The following PAXIP1 variants were observed in gnomAD, a reference collection of about 807,000 sequenced individuals.
The protein encoded by PAXIP1 is PAX-interacting protein 1.
Under a neutral mutation model 140.6 loss-of-function variants are expected in PAXIP1, and 19 were observed. The ratio of observed to expected loss-of-function variants is 0.14; its 90% CI spans 0.09 to 0.20. The LOEUF (loss-of-function observed/expected upper bound fraction) is 0.20, where lower values mean the gene tolerates loss of function less well. Among genes scored for constraint, PAXIP1 ranks in the 10% least tolerant of loss-of-function variants. The probability of loss-of-function intolerance (pLI) is 1.00; values close to 1 mark genes in which losing one functional copy is unlikely to be tolerated. For synonymous variants in PAXIP1, 442 were observed against 444.6 expected, an observed-to-expected ratio of 0.99 and a Z score of 0.07; for missense variants, 920 against 1,208.6, an observed-to-expected ratio of 0.76 and a Z score of 3.54.
chr7:154,986,117 C>T lies in PAXIP1; in HGVS notation c.325-2785G>A. On this transcript the variant is annotated intron_variant, in intron 4 of 20. Coordinates refer to ENST00000404141, the MANE Select transcript of PAXIP1 (RefSeq NM_007349.4). This position sits in a 1 kb window ranked among gnomAD's most constrained non-coding sequence, Gnocchi z 4.8. ...AACTTCTGCTGGACAAGCTCCCTTC[C>T]CTACCTCTCCCTGGGAGAGCTCTGG... is the stretch of plus-strand genomic sequence containing the variant. 7.3e-7 allele frequency: 1 copy of T among 1,363,468 alleles called. No individual in the cohort carries two copies. Among genetic ancestry groups the T allele is most frequent in the Non-Finnish European group, 9.8e-7 (1 of 1,020,720 alleles). The allele number at this position is 1,363,468 out of a possible 1,614,324, so 84.5% of individuals were successfully genotyped here. A position where few individuals can be genotyped will look rare whatever the true frequency, so the allele number is the denominator to read the frequency against.
At chr7:154,997,541 T>C (rs1389311458) in intron 2 of PAXIP1, among the ~76,000 whole-genome samples, 1 of 152,254 alleles carries the variant, frequency 6.6e-6, no homozygotes, top group East Asian at 1.9e-4. Flanking sequence ...TATAGAACTA[T>C]TTTAAAACAA....
intron 13 of PAXIP1, among the ~76,000 whole-genome samples, chr7:154,958,532 T>A (rs1044784703): frequency 9.8e-5 from 15 of 152,360 alleles, no homozygotes; most frequent in Non-Finnish European, 2.9e-5. Flanking sequence ...TCAAGCTTTA[T>A]AATAATTTGC....
chr7:155,001,556 GGC>G (rs1386165837), intron 1 of PAXIP1: 1 of 150,010 alleles, frequency 6.7e-6, no homozygotes, highest in Admixed American at 6.6e-5. Flanking sequence ...GGAGTGCAGT[GGC>G]GCGATCTCGG....
In PAXIP1 at chr7:154,963,961, A is replaced by G; in HGVS notation, c.1894-195T>C. The G allele has an allele frequency of 1.8e-6, 1 of 551,814 alleles. No individual in the cohort carries two copies. The highest frequency in any genetic ancestry group is 2.1e-5 in the South Asian group (1 of 46,646). 34.2% of individuals were successfully genotyped at this position (551,814 alleles called of 1,614,324 possible). ...CCATACAATGAAAATGAACTCCAAT[A>G]CTCTAAATTTAATCTGAATTCCCAG... On this transcript the variant is annotated intron_variant, in intron 8 of 20. Coordinates refer to ENST00000404141, the MANE Select transcript of PAXIP1 (RefSeq NM_007349.4). This position sits in a 1 kb window ranked among gnomAD's most constrained non-coding sequence, Gnocchi z 4.1.
Position 154,943,987 on chromosome 7 carries a change from G to T in PAXIP1, c.*162C>A, listed in dbSNP as rs1807807341. 1 of 686,080 alleles carries T rather than the reference G, an allele frequency of 1.5e-6. No individual in the cohort carries two copies. Among genetic ancestry groups the T allele is most frequent in the East Asian group, 2.8e-5 (1 of 35,394 alleles). 42.5% of individuals were successfully genotyped at this position (686,080 alleles called of 1,614,324 possible). A position where few individuals can be genotyped will look rare whatever the true frequency, so the allele number is the denominator to read the frequency against. On this transcript the variant is annotated 3_prime_UTR_variant, in exon 21 of 21. Transcript: ENST00000404141. ...AGAATAAAATTGCACATCTTAAAAAGATGCAGTATATTTATTATATCTGTC... is the reference window on the plus strand; with the variant it reads ...AGAATAAAATTGCACATCTTAAAAATATGCAGTATATTTATTATATCTGTC...
intron 6 of PAXIP1, among the ~76,000 whole-genome samples, chr7:154,971,426 A>T (rs1394772686): frequency 1.3e-5 from 2 of 152,212 alleles, no homozygotes; most frequent in African/African-American, 4.8e-5. Context: ...TTGGCCTGGA[A>T]CCTTCTCCAC....
At chr7:154,989,206 T>C (rs751936369) in intron 4 of PAXIP1, among the ~76,000 whole-genome samples, 4 of 152,206 alleles carry the variant, frequency 2.6e-5, no homozygotes, top group Non-Finnish European at 4.4e-5. Context: ...TAACCACAGA[T>C]AAATTTACTT....
At chr7:154,962,659 C>T (rs1808805336) in intron 9 of PAXIP1, 1 of 458,754 alleles carries the variant, frequency 2.2e-6, no homozygotes, top group African/African-American at 2.0e-5. Flanking sequence ...TGTTACTATC[C>T]ATCTGCAAAC....
At chr7:154,981,136 T>G (rs1261769418) in intron 5 of PAXIP1, among the ~76,000 whole-genome samples, 2 of 151,726 alleles carry the variant, frequency 1.3e-5, no homozygotes, top group African/African-American at 4.8e-5. Flanking sequence ...AAAAAAAAAT[T>G]ACTTAGGAAT....
rs375898403 is a variant in PAXIP1, at chr7:155,002,891, G to A, written c.39C>T (p.Phe13=). The A allele has an allele frequency of 6.3e-4, 885 of 1,409,920 alleles. 1 individual carries two copies. Among genetic ancestry groups the A allele is most frequent in the Non-Finnish European group, 7.9e-4 (833 of 1,060,434 alleles). The allele number at this position is 1,409,920 out of a possible 1,614,324, so 87.3% of individuals were successfully genotyped here. A position where few individuals can be genotyped will look rare whatever the true frequency, so the allele number is the denominator to read the frequency against. The stretch of plus-strand genomic sequence containing the variant: ...CCACCGCGTAATACTTGACCTCCCT[G>A]AACATCTCCTCAGGAACTTTGGGCG... ...DQAPKVPEEM[F]REVKYYAVGD... is the part of the protein sequence containing the mutation. Residue 13 remains phenylalanine, a synonymous_variant, in exon 1 of 21, where the codon TTC becomes TTT. Coordinates refer to ENST00000404141, the MANE Select transcript of PAXIP1 (RefSeq NM_007349.4).
chr7:154,985,994 T>C, intron 4 of PAXIP1: 1 of 1,363,710 alleles, frequency 7.3e-7, no homozygotes, highest in Non-Finnish European at 9.8e-7. Context: ...CATTACACTC[T>C]TGACCTATTC....
intron 16 of PAXIP1, 198 bp from the exon 17 acceptor site, chr7:154,948,201 G>T: frequency 1.8e-6 from 1 of 549,158 alleles, no homozygotes; most frequent in Non-Finnish European, 3.3e-6. Flanking sequence ...AGACAGACAG[G>T]TATTTTTTCT....
chr7:154,963,934 C>G lies in PAXIP1; in HGVS notation c.1894-168G>C. 2 of 579,982 alleles carry G rather than the reference C, an allele frequency of 3.4e-6. No individual in the cohort carries two copies. The highest frequency in any genetic ancestry group is 6.2e-6 in the Non-Finnish European group (2 of 321,542). The allele number at this position is 579,982 out of a possible 1,614,324, so 35.9% of individuals were successfully genotyped here. On this transcript the variant is annotated intron_variant, in intron 8 of 20. Transcript: ENST00000404141. This position sits in a 1 kb window ranked among gnomAD's most constrained non-coding sequence, Gnocchi z 4.1. ...TCTATTTACGGACTTTTCTACCCAG[C>G]ACCATACAATGAAAATGAACTCCAA...
At chr7:154,995,994 A>C (rs1392901756) in intron 2 of PAXIP1, among the ~76,000 whole-genome samples, 1 of 152,212 alleles carries the variant, frequency 6.6e-6, no homozygotes, top group Non-Finnish European at 1.5e-5. Flanking sequence ...TAAGATTCAA[A>C]TATGTAAATG....
At chr7:154,970,600 CAGAAA>C (rs1809256253) in intron 6 of PAXIP1, among the ~76,000 whole-genome samples, 1 of 152,164 alleles carries the variant, frequency 6.6e-6, no homozygotes, top group African/African-American at 2.4e-5. Context: ...TTTAAAAATC[CAGAAA>C]AGAAGATGGG....
intron 5 of PAXIP1, 87 bp from the exon 6 acceptor site, chr7:154,976,418 C>A: frequency 1.3e-6 from 2 of 1,486,944 alleles, no homozygotes; most frequent in South Asian, 2.8e-5. Flanking sequence ...AAAACTCAGT[C>A]AAGGAATGCA....
intron 4 of PAXIP1, among the ~76,000 whole-genome samples, chr7:154,987,477 C>G (rs1810127796): frequency 2.0e-5 from 3 of 152,156 alleles, no homozygotes; most frequent in Non-Finnish European, 2.9e-5. Flanking sequence ...CCAAATCTCT[C>G]TACCAATGCG....
intron 10 of PAXIP1, 59 bp downstream of exon 10, chr7:154,962,262 G>A (rs760375258): frequency 3.0e-4 from 485 of 1,592,914 alleles, no homozygotes; most frequent in Middle Eastern, 6.6e-4. Context: ...ACTAGCAAGT[G>A]ATTATTCGCC....
chr7:154,977,038 G>C (rs1217417280), intron 5 of PAXIP1, among the ~76,000 whole-genome samples: 1 of 152,206 alleles, frequency 6.6e-6, no homozygotes, highest in African/African-American at 2.4e-5. Context: ...AAGCCCCGTT[G>C]AAAGGTGAGC....
Sources: gnomAD v4.1 joint callset for allele counts (sites outside exome capture counted in the v4.1 genomes callset) on GRCh38, gnomAD v4.1.1 for gene constraint, Gnocchi (gnomAD v3.1) non-coding constraint, MANE v1.5 for transcripts, NCBI Gene and HGNC (gene_info 2026-07-23, HGNC 2026-07-21) for gene names.